RPS6KA6: variants seen among roughly 807,000 people sequenced by gnomAD.
RPS6KA6 encodes ribosomal protein S6 kinase alpha-6.
RPS6KA6 carries 27 observed loss-of-function variants against 65.4 expected under a neutral mutation model. The ratio of observed to expected loss-of-function variants is 0.41; its 90% CI spans 0.30 to 0.57. The LOEUF is 0.57. RPS6KA6 is among the 20% of genes least tolerant of loss of function. The probability of loss-of-function intolerance (pLI) is 0.24; values close to 1 mark genes in which losing one functional copy is unlikely to be tolerated. For missense variants in RPS6KA6, 486 were observed against 555.6 expected, an observed-to-expected ratio of 0.87 and a Z score of 1.26; for synonymous variants, 190 against 184.2, an observed-to-expected ratio of 1.03 and a Z score of -0.26.
At chrX:84,146,925 A>G in intron 5 of RPS6KA6, 53 bp downstream of exon 5, 1 of 642,450 alleles carries the variant, frequency 1.6e-6, no homozygotes. Context: ...CTCTAATTCC[A>G]TATTAATAAA....
chrX:84,186,405 AAACAGT>A (rs1441527841), intron 1 of RPS6KA6, among the ~76,000 whole-genome samples: 2 of 112,106 alleles, frequency 1.8e-5, no homozygotes, highest in Non-Finnish European at 3.8e-5. Flanking sequence ...ACAATTGTGC[AAACAGT>A]TAGCATTCCC....
intron 20 of RPS6KA6, among the ~76,000 whole-genome samples, chrX:84,076,735 A>C (rs1255010771): frequency 9.0e-6 from 1 of 111,694 alleles, no homozygotes; most frequent in Non-Finnish European, 1.9e-5. Context: ...ATCAGGAACA[A>C]AACAAGAATG....
intron 8 of RPS6KA6, among the ~76,000 whole-genome samples, chrX:84,120,776 A>G (rs1228457980): frequency 8.9e-6 from 1 of 111,984 alleles, no homozygotes; most frequent in Non-Finnish European, 1.9e-5. Context: ...ATAAAATCCC[A>G]GCAAAATTTC....
chrX:84,116,185 G>T, intron 12 of RPS6KA6, 44 bp downstream of exon 12: 1 of 733,156 alleles, frequency 1.4e-6, no homozygotes, highest in South Asian at 2.5e-5. Context: ...ATCCTGTGTT[G>T]GTCATATGAA....
In RPS6KA6 at chrX:84,085,557, G is replaced by C. The variant is rs191476153; in HGVS notation, c.1971+10637C>G. Among the ~76,000 whole-genome samples, 428 of 111,884 alleles carry C rather than the reference G, an allele frequency of 3.8e-3. 1 individual carries two copies. Among genetic ancestry groups the C allele is most frequent in the Non-Finnish European group, 7.1e-3 (379 of 53,207 alleles). ...CTTGATTGTGGTGGATAAGCTTTTT[G>C]ATGTGCTGCTGAATTCAGTTTGCCA... On this transcript the variant is annotated intron_variant, in intron 20 of 21. Transcript: ENST00000262752.
In RPS6KA6 at chrX:84,060,145, C is replaced by G. The variant is rs1384802334; in HGVS notation, c.*4132G>C. 9.0e-6 allele frequency: 1 copy of G among 111,002 alleles called. No individual in the cohort carries two copies. Among genetic ancestry groups the G allele is most frequent in the Non-Finnish European group, 1.9e-5 (1 of 52,983 alleles). The allele number at this position is 111,002 out of a possible 1,213,427, so 9.1% of individuals were successfully genotyped here. A position where few individuals can be genotyped will look rare whatever the true frequency, so the allele number is the denominator to read the frequency against. On this transcript the variant is annotated 3_prime_UTR_variant, in exon 22 of 22. Transcript: ENST00000262752. ...ATGTTGTGAATAATCACTATCAATG[C>G]CACTATATTCCCACATAAAAAGGCA...
chrX:84,181,862 C>A (rs987812982), intron 1 of RPS6KA6, among the ~76,000 whole-genome samples: 1 of 110,732 alleles, frequency 9.0e-6, no homozygotes, highest in African/African-American at 3.3e-5. Flanking sequence ...TCTATTTTAC[C>A]CTTCATCCCC....
chrX:84,131,427 G>C (rs2034895647), intron 8 of RPS6KA6, among the ~76,000 whole-genome samples: 1 of 112,045 alleles, frequency 8.9e-6, no homozygotes, highest in Non-Finnish European at 1.9e-5. Context: ...TGTTCTCTCT[G>C]TATACTGAAA....
rs752335862 is a variant in RPS6KA6 at position 84,104,670 on chromosome X, G to A, written c.1456-13C>T. 3.7e-5 allele frequency: 38 copies of A among 1,035,826 alleles called. No individual in the cohort carries two copies. The highest frequency in any genetic ancestry group is 3.1e-4 in the African/African-American group (16 of 51,727). The allele number at this position is 1,035,826 out of a possible 1,213,427, so 85.4% of individuals were successfully genotyped here. On this transcript the variant is annotated splice_polypyrimidine_tract_variant and intron_variant, in intron 16 of 21. Coordinates refer to ENST00000262752, the MANE Select transcript of RPS6KA6 (RefSeq NM_014496.5). Reference sequence around the variant, plus strand: ...CATCATCAAAGACCTACAAAAGAACGCAGTTTTAAAATGTTATTATTTATA... The same window carrying A: ...CATCATCAAAGACCTACAAAAGAACACAGTTTTAAAATGTTATTATTTATA...
At chrX:84,070,350 C>T (rs1450660955) in intron 20 of RPS6KA6, among the ~76,000 whole-genome samples, 1 of 110,367 alleles carries the variant, frequency 9.1e-6, no homozygotes, top group Non-Finnish European at 1.9e-5. Context: ...ACAATGAGAA[C>T]ACATGGATAC....
chrX:84,131,676 T>C (rs1471327713), intron 8 of RPS6KA6, among the ~76,000 whole-genome samples: 2 of 112,139 alleles, frequency 1.8e-5, no homozygotes, highest in Non-Finnish European at 3.8e-5. Flanking sequence ...TTAACAACTA[T>C]AATTTGCTCA....
intron 2 of RPS6KA6, among the ~76,000 whole-genome samples, chrX:84,162,132 G>A (rs1472185119): frequency 9.1e-6 from 1 of 110,182 alleles, no homozygotes; most frequent in Non-Finnish European, 1.9e-5. Flanking sequence ...GATACTAGGT[G>A]GTGAAATGTG....
At chrX:84,102,617 C>G (rs1322979775) in intron 17 of RPS6KA6, among the ~76,000 whole-genome samples, 6 of 110,826 alleles carry the variant, frequency 5.4e-5, no homozygotes, top group Non-Finnish European at 9.5e-5. Flanking sequence ...TTGAAGTAAA[C>G]AACCATAAAA....
Position 84,156,106 on chromosome X carries a change from A to C in RPS6KA6, c.227T>G (p.Leu76Arg). ...AAATGACCCCTGACCAAGAACCTTG[A>C]GCAACTCAAACTGTGCAGGATCTGC... The part of the protein sequence containing the change: ...EKADPAQFEL[L>R]KVLGQGSFGK... Residue 76 changes from leucine (L) to arginine (R), a missense_variant, in exon 3 of 22, where the codon CTC becomes CGC. Around this residue, in one of 3 missense-constraint regions of RPS6KA6, gnomAD observed 106 missense variants for 105.0 expected, o/e 1.01. Coordinates refer to ENST00000262752, the MANE Select transcript of RPS6KA6 (RefSeq NM_014496.5). The C allele has an allele frequency of 1.7e-6, 2 of 1,195,367 alleles. No homozygotes were observed. The highest frequency in any genetic ancestry group is 2.3e-6 in the Non-Finnish European group (2 of 881,032).
At chrX:84,094,483 A>T (rs940302724) in intron 20 of RPS6KA6, among the ~76,000 whole-genome samples, 3 of 107,957 alleles carry the variant, frequency 2.8e-5, no homozygotes, top group African/African-American at 1.0e-4. Flanking sequence ...TGTACTAAAA[A>T]AAATAAAAAA....
chrX:84,150,858 T>G (rs190828450), intron 3 of RPS6KA6, among the ~76,000 whole-genome samples: 2,202 of 91,157 alleles, frequency 0.024, 18 homozygotes, highest in East Asian at 0.081. Flanking sequence ...TATATATATA[T>G]AGAGGATATA....
intron 8 of RPS6KA6, among the ~76,000 whole-genome samples, chrX:84,127,340 A>G (rs1257464018): frequency 9.0e-6 from 1 of 111,292 alleles, no homozygotes; most frequent in African/African-American, 3.3e-5. Flanking sequence ...GTCTCCCAGT[A>G]ATGAACTGCC....
chrX:84,114,205 A>G (rs936689034), intron 12 of RPS6KA6, among the ~76,000 whole-genome samples: 2 of 111,475 alleles, frequency 1.8e-5, no homozygotes, highest in Admixed American at 9.5e-5. Flanking sequence ...TGACCATACC[A>G]GTCCAGGCAC....
At chrX:84,125,433 T>A (rs2034763660) in intron 8 of RPS6KA6, among the ~76,000 whole-genome samples, 1 of 111,856 alleles carries the variant, frequency 8.9e-6, no homozygotes. Context: ...TTTTATCAGG[T>A]TTTTTTGCAT....
Sources: allele counts gnomAD v4.1 joint callset (sites outside exome capture counted in the v4.1 genomes callset), GRCh38; gene constraint gnomAD v4.1.1; regional missense constraint gnomAD v4.1.1; transcripts MANE v1.5; gene names NCBI Gene and HGNC (gene_info 2026-07-23, HGNC 2026-07-21).